RBFOX1: variants seen among roughly 807,000 people sequenced by gnomAD.
The protein encoded by RBFOX1 is RNA binding fox-1 homolog 1, also known as RNA binding protein fox-1 homolog 1.
A neutral mutation model predicts 57.7 loss-of-function variants in RBFOX1; 8 were observed. That is an observed-to-expected ratio of 0.14 (90% confidence interval 0.08 to 0.25). The LOEUF (loss-of-function observed/expected upper bound fraction) is 0.25, where lower values mean the gene tolerates loss of function less well. RBFOX1 is among the 10% of genes least tolerant of loss of function. The pLI is 1.00. For synonymous variants in RBFOX1, 326 were observed against 222.4 expected, an observed-to-expected ratio of 1.47 and a Z score of -4.15; for missense variants, 611 against 548.5, an observed-to-expected ratio of 1.11 and a Z score of -1.14.
At chr16:7,394,013 A>G (rs1030118078) in intron 4 of RBFOX1, among the ~76,000 whole-genome samples, 1 of 152,040 alleles carries the variant, frequency 6.6e-6, no homozygotes, top group Non-Finnish European at 1.5e-5. Context: ...AGGTGGGCAG[A>G]TCACCTGAGG....
At chr16:7,627,121 C>T (rs1357533085) in intron 10 of RBFOX1, among the ~76,000 whole-genome samples, 1 of 121,150 alleles carries the variant, frequency 8.3e-6, no homozygotes, top group African/African-American at 3.5e-5. Context: ...GCCCCTCCGC[C>T]TCCTTTTTTT....
At chr16:7,688,737 G>C (rs1487450927) in intron 14 of RBFOX1, among the ~76,000 whole-genome samples, 1 of 152,070 alleles carries the variant, frequency 6.6e-6, no homozygotes. Context: ...TAAAAGATTA[G>C]TCAGGCTAGT....
intron 4 of RBFOX1, among the ~76,000 whole-genome samples, chr16:7,267,684 A>G (rs945942512): frequency 4.1e-4 from 62 of 152,082 alleles, no homozygotes; most frequent in Admixed American, 7.2e-4. Context: ...GCAAAACCCC[A>G]TCTTTACTAA....
chr16:5,316,899 G>C (rs937914534), intron 1 of RBFOX1, among the ~76,000 whole-genome samples: 9 of 152,224 alleles, frequency 5.9e-5, no homozygotes, highest in Non-Finnish European at 1.3e-4. Context: ...GGTGGGCAGA[G>C]TCCAATTGGC....
At chr16:7,407,394 G>A (rs62015697) in intron 4 of RBFOX1, among the ~76,000 whole-genome samples, 1 of 120,628 alleles carries the variant, frequency 8.3e-6, no homozygotes, top group Non-Finnish European at 2.0e-5. Flanking sequence ...GTGTGTGTGT[G>A]TGTGTGTGTG....
chr16:5,634,504 A>T (rs1024596560), intron 3 of RBFOX1, among the ~76,000 whole-genome samples: 3 of 151,672 alleles, frequency 2.0e-5, no homozygotes, highest in African/African-American at 4.8e-5. Flanking sequence ...TGCTAAACAT[A>T]TTTTTTTTTC....
At chr16:6,643,999 A>G (rs987737881) in intron 2 of RBFOX1, among the ~76,000 whole-genome samples, 1 of 152,054 alleles carries the variant, frequency 6.6e-6, no homozygotes, top group Non-Finnish European at 1.5e-5. Flanking sequence ...GGTAGCATGC[A>G]CCTGTAATCC....
chr16:5,446,935 A>G (rs1237327824), intron 1 of RBFOX1, among the ~76,000 whole-genome samples: 2 of 152,114 alleles, frequency 1.3e-5, no homozygotes, highest in African/African-American at 2.4e-5. Context: ...CATCTGCAAC[A>G]TGGATTACTA....
intron 4 of RBFOX1, among the ~76,000 whole-genome samples, chr16:7,232,998 C>T (rs1317759915): frequency 6.6e-6 from 1 of 152,128 alleles, no homozygotes; most frequent in African/African-American, 2.4e-5. Context: ...TGTTGTCACC[C>T]TGCTTTCCTG....
At position 5,509,227 on chromosome 16, in the gene RBFOX1, G is replaced by C. The variant is rs2043491510; in HGVS notation, c.258+41973G>C. Among the ~76,000 whole-genome samples the C allele has an allele frequency of 3.3e-5, 5 of 152,340 alleles. 1 individual carries two copies. Among genetic ancestry groups the C allele is most frequent in the Admixed American group, 3.3e-4 (5 of 15,296 alleles). ...GCAAGAGCAGGAAGTGTTGGGATAT[G>C]ACTGAGCCCTGGGGAATGAGGAGAG... On this transcript the variant is annotated intron_variant, in intron 2 of 2. Transcript: ENST00000585867.
chr16:7,017,856 C>T (rs2093992783), intron 3 of RBFOX1, among the ~76,000 whole-genome samples: 2 of 152,116 alleles, frequency 1.3e-5, no homozygotes, highest in African/African-American at 4.8e-5. Flanking sequence ...TTCATTCATT[C>T]AGAGAGAATT....
intron 1 of RBFOX1, among the ~76,000 whole-genome samples, chr16:6,246,103 A>G (rs1046372497): frequency 6.6e-6 from 1 of 152,210 alleles, no homozygotes; most frequent in African/African-American, 2.4e-5. Flanking sequence ...TAACAAAACA[A>G]CAAAACCCAA....
intron 5 of RBFOX1, among the ~76,000 whole-genome samples, chr16:7,536,556 T>G (rs935551886): frequency 1.3e-5 from 2 of 152,212 alleles, no homozygotes; most frequent in Admixed American, 1.3e-4. Context: ...ATGGCACCAC[T>G]GCACTCCAGC....
intron 4 of RBFOX1, among the ~76,000 whole-genome samples, chr16:5,918,340 G>A (rs760509860): frequency 3.3e-5 from 5 of 152,108 alleles, no homozygotes; most frequent in Non-Finnish European, 5.9e-5. Context: ...GGCTGGTCTC[G>A]AACTTCTGAC....
intron 3 of RBFOX1, among the ~76,000 whole-genome samples, chr16:5,852,397 G>C (rs892849606): frequency 1.3e-5 from 2 of 152,192 alleles, no homozygotes; most frequent in African/African-American, 2.4e-5. Context: ...AGTTGAAGTT[G>C]AGCCCCAGCC....
rs1303647309 is a variant in RBFOX1 at position 7,153,204 on chromosome 16, T to TA, written c.27+101109dup. 5.4e-5 allele frequency among the ~76,000 whole-genome samples: 8 copies of TA among 147,836 alleles called. No homozygotes were observed. The South Asian group carries it at 8.5e-4, about 16-fold the overall frequency. ...CTGGTGGACATAATCATTTTTTTTT[T>TA]AAATTCTGCAATAACTCAACTTTGA... is the stretch of plus-strand genomic sequence containing the variant. On this transcript the variant is annotated intron_variant, in intron 4 of 15. Coordinates refer to ENST00000550418, the MANE Select transcript of RBFOX1 (RefSeq NM_018723.4).
chr16:6,235,483 C>CA (rs1186247613), intron 1 of RBFOX1, among the ~76,000 whole-genome samples: 1 of 151,534 alleles, frequency 6.6e-6, no homozygotes, highest in Non-Finnish European at 1.5e-5. Flanking sequence ...TTTGCAATTG[C>CA]AAAAATATAG....
intron 1 of RBFOX1, among the ~76,000 whole-genome samples, chr16:6,109,820 A>G (rs919652206): frequency 3.3e-5 from 5 of 152,218 alleles, no homozygotes; most frequent in Non-Finnish European, 2.9e-5. Context: ...AGGATAAGTT[A>G]CATTCTTTTC....
At chr16:7,070,454 A>T (rs2057097905) in intron 4 of RBFOX1, among the ~76,000 whole-genome samples, 1 of 152,074 alleles carries the variant, frequency 6.6e-6, no homozygotes, top group African/African-American at 2.4e-5. Context: ...TATTTTTGGC[A>T]ATTTTGTGGT....
Sources: gnomAD v4.1 joint callset for allele counts (sites outside exome capture counted in the v4.1 genomes callset) on GRCh38, gnomAD v4.1.1 for gene constraint, MANE v1.5 for transcripts, NCBI Gene and HGNC (gene_info 2026-07-23, HGNC 2026-07-21) for gene names.